The following ZBTB20 variants were observed in gnomAD, a reference collection of about 807,000 sequenced individuals.
ZBTB20 encodes the protein zinc finger and BTB domain containing 20.
A neutral mutation model predicts 56.9 loss-of-function variants in ZBTB20; 9 were observed. That is an observed-to-expected ratio of 0.16 (90% CI 0.10 to 0.28). The LOEUF is 0.28. Ranked by LOEUF, ZBTB20 falls within the 10% of genes least tolerant of loss-of-function variation. The pLI is 1.00. For missense variants in ZBTB20, 655 were observed against 1,003.0 expected (o/e 0.65, Z 4.69); for synonymous variants, 417 against 420.7 (o/e 0.99, Z 0.11).
intron 6 of ZBTB20, among the ~76,000 whole-genome samples, chr3:114,548,281 A>T (rs1365301118): frequency 6.6e-6 from 1 of 152,292 alleles, no homozygotes; most frequent in Middle Eastern, 3.4e-3. Flanking sequence ...TAGATATCCA[A>T]CTGAAGTGGG....
chr3:114,798,619 T>C (rs753731911), intron 5 of ZBTB20, among the ~76,000 whole-genome samples: 1 of 151,970 alleles, frequency 6.6e-6, no homozygotes, highest in Non-Finnish European at 1.5e-5. Flanking sequence ...TGTGTAACCT[T>C]TGTGCCCTAC....
rs374307523 is a variant in ZBTB20, at chr3:114,400,983, C to T, written c.-254-11878G>A. ...ACTACAAGCAGCATGAATCATGTCT[C>T]TGTTAAAAAACAGAGCTTCAATTGT... On this transcript the variant is annotated intron_variant, in intron 7 of 11. Transcript: ENST00000675478. 1.8e-4 allele frequency among the ~76,000 whole-genome samples: 27 copies of T among 152,002 alleles called. No individual in the cohort carries two copies. The South Asian group carries it at 4.8e-3, about 27-fold the overall frequency.
chr3:114,959,714 T>TATAC (rs1388478315), intron 3 of ZBTB20, among the ~76,000 whole-genome samples: 1 of 110,166 alleles, frequency 9.1e-6, no homozygotes, highest in Admixed American at 9.4e-5. Context: ...TCTATATTTA[T>TATAC]ATACATACAC....
intron 5 of ZBTB20, among the ~76,000 whole-genome samples, chr3:114,738,378 T>C (rs925708371): frequency 1.3e-5 from 2 of 152,126 alleles, no homozygotes; most frequent in South Asian, 2.1e-4. Context: ...CTGACAACTT[T>C]TATTTTTAAT....
chr3:114,425,002 C>T (rs1039564380), intron 7 of ZBTB20, among the ~76,000 whole-genome samples: 1 of 152,038 alleles, frequency 6.6e-6, no homozygotes, highest in Non-Finnish European at 1.5e-5. Context: ...AGAATTTTCC[C>T]TCCATATTAA....
chr3:114,865,955 G>A (rs895035530), intron 4 of ZBTB20, among the ~76,000 whole-genome samples: 7 of 152,144 alleles, frequency 4.6e-5, no homozygotes, highest in Non-Finnish European at 1.0e-4. Flanking sequence ...GATTTGAACC[G>A]TGGAGTCCAA....
chr3:114,598,941 G>A (rs896265795), intron 6 of ZBTB20, among the ~76,000 whole-genome samples: 15 of 151,932 alleles, frequency 9.9e-5, no homozygotes, highest in Admixed American at 4.6e-4. Flanking sequence ...TACAGTGTAA[G>A]TAAGAAAGAT....
At chr3:114,824,487 T>C (rs1164596851) in intron 4 of ZBTB20, among the ~76,000 whole-genome samples, 1 of 152,014 alleles carries the variant, frequency 6.6e-6, no homozygotes, top group African/African-American at 2.4e-5. Context: ...ATTAATTCAA[T>C]GCCACACAAA....
Position 115,028,233 on chromosome 3 carries a change from T to C in ZBTB20, c.-507+42986A>G, listed in dbSNP as rs117863599. Among the ~76,000 whole-genome samples the C allele has an allele frequency of 1.6e-3, 239 of 150,814 alleles. 3 individuals are homozygous for C. In the East Asian group the frequency reaches 0.04, roughly 25 times the overall value. On this transcript the variant is annotated intron_variant, in intron 2 of 11. Coordinates refer to ENST00000675478, the MANE Select transcript of ZBTB20 (RefSeq NM_001348800.3). ...CAAGGATCAAAATAAACCCATAACA[T>C]AGTAACAAAAACAAAATATTTCCAA...
At position 115,022,767 on chromosome 3, in the gene ZBTB20, G is replaced by A. The variant is rs2080258963; in HGVS notation, c.-506-48351C>T. On this transcript the variant is annotated intron_variant, in intron 2 of 11. Coordinates refer to ENST00000675478, the MANE Select transcript of ZBTB20 (RefSeq NM_001348800.3). Reference sequence around the variant, plus strand: ...ATGATAAAAGCCATTTATCTTGGGTGGTTTTGTGCAGTTTCTAAAGGCAGT... The same window carrying A: ...ATGATAAAAGCCATTTATCTTGGGTAGTTTTGTGCAGTTTCTAAAGGCAGT... Among the ~76,000 whole-genome samples the A allele has an allele frequency of 3.3e-5, 5 of 151,032 alleles. No individual in the cohort carries two copies. In the South Asian group the frequency reaches 1.0e-3, roughly 31 times the overall value.
intron 2 of ZBTB20, among the ~76,000 whole-genome samples, chr3:115,003,390 G>A (rs992481327): frequency 9.2e-5 from 14 of 151,628 alleles, no homozygotes; most frequent in Admixed American, 3.3e-4. Context: ...GGGCATACAG[G>A]AACTCTACTT....
intron 5 of ZBTB20, among the ~76,000 whole-genome samples, chr3:114,783,591 C>A (rs908154996): frequency 6.6e-6 from 1 of 151,774 alleles, no homozygotes; most frequent in African/African-American, 2.4e-5. Flanking sequence ...GTCACGAGAT[C>A]GAGACCAGCT....
chr3:115,104,477 G>T (rs538696236), intron 1 of ZBTB20, among the ~76,000 whole-genome samples: 1 of 152,218 alleles, frequency 6.6e-6, no homozygotes, highest in South Asian at 2.1e-4. Context: ...ATAAATTATG[G>T]TACATCCAGG....
At chr3:115,064,490 T>C (rs1404357777) in intron 2 of ZBTB20, among the ~76,000 whole-genome samples, 1 of 149,086 alleles carries the variant, frequency 6.7e-6, no homozygotes, top group Non-Finnish European at 1.5e-5. Flanking sequence ...TCGCTCTCGT[T>C]TCCCAGGCTG....
intron 5 of ZBTB20, among the ~76,000 whole-genome samples, chr3:114,723,256 C>G (rs1280504113): frequency 6.6e-6 from 1 of 152,066 alleles, no homozygotes; most frequent in African/African-American, 2.4e-5. Flanking sequence ...AAAATCAGGT[C>G]CTTCCAAACC....
At chr3:114,669,243 T>C (rs1393760929) in intron 6 of ZBTB20, among the ~76,000 whole-genome samples, 2 of 152,024 alleles carry the variant, frequency 1.3e-5, no homozygotes, top group Non-Finnish European at 2.9e-5. Context: ...CTCCAAAGTA[T>C]CATAGTGCCA....
chr3:114,427,341 ATC>A (rs2089761833), intron 7 of ZBTB20, among the ~76,000 whole-genome samples: 1 of 152,232 alleles, frequency 6.6e-6, no homozygotes, highest in Non-Finnish European at 1.5e-5. Context: ...TCTGTAATAT[ATC>A]TGTCTTGAGA....
chr3:114,730,565 G>A (rs367765973), intron 5 of ZBTB20, among the ~76,000 whole-genome samples: 6 of 152,168 alleles, frequency 3.9e-5, no homozygotes, highest in Non-Finnish European at 7.4e-5. Flanking sequence ...TAGGACTGGC[G>A]TCCTTATAAG....
intron 7 of ZBTB20, 81 bp downstream of exon 7, chr3:114,500,271 T>C (rs1232151439): frequency 6.6e-6 from 1 of 151,706 alleles, no homozygotes; most frequent in East Asian, 1.9e-4. Flanking sequence ...CAAAGTCAAC[T>C]AGGAAATATG....
Sources: allele counts gnomAD v4.1 joint callset (sites outside exome capture counted in the v4.1 genomes callset), GRCh38; gene constraint gnomAD v4.1.1; transcripts MANE v1.5; gene names NCBI Gene and HGNC (gene_info 2026-07-23, HGNC 2026-07-21).